MICAL3: variants seen among roughly 807,000 people sequenced by gnomAD.
MICAL3 encodes the protein [F-actin]-monooxygenase MICAL3.
MICAL3 carries 62 observed loss-of-function variants against 207.4 expected under a neutral mutation model. The ratio of observed to expected loss-of-function variants is 0.30; its 90% CI spans 0.24 to 0.37. The LOEUF (loss-of-function observed/expected upper bound fraction) is 0.37. Among genes scored for constraint, MICAL3 ranks in the 10% least tolerant of loss-of-function variants. The probability of loss-of-function intolerance (pLI) is 1.00; values close to 1 mark genes in which losing one functional copy is unlikely to be tolerated. For missense variants in MICAL3, 2,368 were observed against 2,635.6 expected, an observed-to-expected ratio of 0.90 and a Z score of 2.22; for synonymous variants, 1,077 against 1,069.3, an observed-to-expected ratio of 1.01 and a Z score of -0.14.
chr22:18,007,834 A>G (rs1192010374), intron 1 of MICAL3, among the ~76,000 whole-genome samples: 1 of 144,128 alleles, frequency 6.9e-6, no homozygotes, highest in African/African-American at 2.6e-5. Flanking sequence ...GAGGCAGGAG[A>G]ATGGCGTGAA....
rs1264605894 is a variant in MICAL3, at chr22:17,789,676, T to TG, written c.*1055dup. ...ACGAAGAGAAAGGCTAATAAATAGATGCACGTGAGGAGCACCGGGCAGCCC... is the reference window on the plus strand; with the variant it reads ...ACGAAGAGAAAGGCTAATAAATAGATGGCACGTGAGGAGCACCGGGCAGCCC... On this transcript the variant is annotated 3_prime_UTR_variant, in exon 32 of 32. Coordinates refer to ENST00000441493, the MANE Select transcript of MICAL3 (RefSeq NM_015241.3). The TG allele has an allele frequency of 2.0e-5, 3 of 152,220 alleles. No individual in the cohort carries two copies. Among genetic ancestry groups the TG allele is most frequent in the Non-Finnish European group, 4.4e-5 (3 of 68,050 alleles). 9.4% of individuals were successfully genotyped at this position (152,220 alleles called of 1,614,324 possible).
chr22:17,867,883 T>C (rs1004093296), intron 17 of MICAL3, among the ~76,000 whole-genome samples: 1 of 152,208 alleles, frequency 6.6e-6, no homozygotes, highest in Non-Finnish European at 1.5e-5. Context: ...TTCCTTCTAT[T>C]TTTTTCCTAC....
At chr22:17,901,637 T>G (rs1931330949) in intron 5 of MICAL3, among the ~76,000 whole-genome samples, 2 of 151,812 alleles carry the variant, frequency 1.3e-5, no homozygotes, top group South Asian at 4.2e-4. Flanking sequence ...GATACTGCAC[T>G]CCAGCCTGGG....
At chr22:17,932,010 C>T (rs1933289287) in intron 1 of MICAL3, among the ~76,000 whole-genome samples, 1 of 152,186 alleles carries the variant, frequency 6.6e-6, no homozygotes, top group African/African-American at 2.4e-5. Flanking sequence ...AGACAATAAA[C>T]AAGTAAGCAA....
chr22:17,828,546 T>C (rs568483227), intron 21 of MICAL3, among the ~76,000 whole-genome samples: 5 of 152,280 alleles, frequency 3.3e-5, no homozygotes, highest in South Asian at 2.1e-4. Flanking sequence ...TTCCAAACCC[T>C]TGGAATTTCA....
At chr22:17,994,037 G>C (rs368201726) in intron 1 of MICAL3, among the ~76,000 whole-genome samples, 260 of 152,302 alleles carry the variant, frequency 1.7e-3, no homozygotes, top group East Asian at 7.9e-3. Flanking sequence ...GGTGAGGACT[G>C]AGCGCGTTAA....
chr22:18,018,153 C>T (rs1040212192), intron 1 of MICAL3, among the ~76,000 whole-genome samples: 3 of 152,036 alleles, frequency 2.0e-5, no homozygotes, highest in Non-Finnish European at 2.9e-5. Flanking sequence ...GGATTACAAG[C>T]GTGAGCCACT....
intron 29 of MICAL3, among the ~76,000 whole-genome samples, chr22:17,794,741 G>A (rs559259045): frequency 6.6e-6 from 1 of 152,162 alleles, no homozygotes; most frequent in Non-Finnish European, 1.5e-5. Flanking sequence ...TTACAGGAAC[G>A]ATGCTGGGAG....
intron 1 of MICAL3, among the ~76,000 whole-genome samples, chr22:17,989,109 G>A (rs745456710): frequency 2.0e-5 from 3 of 152,022 alleles, no homozygotes; most frequent in Non-Finnish European, 4.4e-5. Flanking sequence ...TCAAACCCCC[G>A]GCAGGTTCCC....
intron 1 of MICAL3, among the ~76,000 whole-genome samples, chr22:18,017,000 G>C (rs779130704): frequency 1.9e-4 from 29 of 152,164 alleles, no homozygotes; most frequent in Non-Finnish European, 2.1e-4. Flanking sequence ...TAAAGGTTTG[G>C]TTCAACATCA....
At position 17,844,977 on chromosome 22, in the gene MICAL3, A is replaced by G. The variant is rs577679642; in HGVS notation, c.2606-2960T>C. ...GTCTTCCCATCCCTTCCTTCTCCTCATCAAAATCCATGGCGGCCACCCCAT... is the reference window on the plus strand; with the variant it reads ...GTCTTCCCATCCCTTCCTTCTCCTCGTCAAAATCCATGGCGGCCACCCCAT... On this transcript the variant is annotated intron_variant, in intron 19 of 31. Coordinates refer to ENST00000441493, the MANE Select transcript of MICAL3 (RefSeq NM_015241.3). 7.2e-5 allele frequency among the ~76,000 whole-genome samples: 11 copies of G among 152,230 alleles called. No homozygotes were observed. The South Asian group carries it at 2.3e-3, about 32-fold the overall frequency.
At chr22:17,884,162 T>C in intron 16 of MICAL3, 3 of 609,738 alleles carry the variant, frequency 4.9e-6, no homozygotes, top group Non-Finnish European at 8.4e-6. Context: ...AGAGATTTCC[T>C]GCCCTCATGA....
chr22:17,839,208 C>A (rs566120340), intron 20 of MICAL3, among the ~76,000 whole-genome samples: 1 of 151,434 alleles, frequency 6.6e-6, no homozygotes, highest in South Asian at 2.1e-4. Flanking sequence ...TTTGGCCTCC[C>A]GGAGTACTGG....
In MICAL3 at chr22:17,980,614, C is replaced by T. The variant is rs572871819; in HGVS notation, c.-75+43667G>A. Reference sequence around the variant, plus strand: ...CTACTTTAACACCTCTTTTCTGAAGCCTATAAGTATTTGTGGCAACGGAGA... The same window carrying T: ...CTACTTTAACACCTCTTTTCTGAAGTCTATAAGTATTTGTGGCAACGGAGA... On this transcript the variant is annotated intron_variant, in intron 1 of 31. Transcript: ENST00000441493. 1.1e-4 allele frequency among the ~76,000 whole-genome samples: 17 copies of T among 152,340 alleles called. No homozygotes were observed. The East Asian group carries it at 3.1e-3, about 28-fold the overall frequency.
At chr22:17,967,457 C>T (rs1001127818) in intron 1 of MICAL3, among the ~76,000 whole-genome samples, 1 of 118,564 alleles carries the variant, frequency 8.4e-6, no homozygotes, top group Admixed American at 1.0e-4. Flanking sequence ...GGGCAGTGTA[C>T]ATGCAAACAC....
Position 17,891,494 on chromosome 22 carries a change from G to C in MICAL3, c.1685C>G (p.Pro562Arg). ...TTTGATCACAACTTACATCAGGTCA[G>C]GGCGGTATCTATGGATAATTGCACA... is the stretch of plus-strand genomic sequence containing the variant. ...ALCAIIHRYR[P>R]DLIDFDSLDE... The change falls in exon 12 of 32, where the codon CCT becomes CGT. Residue 562 changes from proline (P) to arginine (R), a missense_variant. Around this residue, in one of 4 missense-constraint regions of MICAL3, gnomAD observed 51 missense variants for 87.8 expected, o/e 0.58. Coordinates refer to ENST00000441493, the MANE Select transcript of MICAL3 (RefSeq NM_015241.3). 1 of 1,613,992 alleles carries C rather than the reference G, an allele frequency of 6.2e-7. No individual in the cohort carries two copies.
At chr22:17,794,356 G>C (rs755428883) in intron 29 of MICAL3, among the ~76,000 whole-genome samples, 1 of 152,252 alleles carries the variant, frequency 6.6e-6, no homozygotes, top group Non-Finnish European at 1.5e-5. Flanking sequence ...TCACCTCCCA[G>C]ACCCACGTGG....
At chr22:17,991,615 AATACAG>A (rs770428269) in intron 1 of MICAL3, among the ~76,000 whole-genome samples, 24 of 152,204 alleles carry the variant, frequency 1.6e-4, no homozygotes, top group Non-Finnish European at 2.5e-4. Flanking sequence ...CAGCTATATT[AATACAG>A]CAGGAAGCAG....
At chr22:17,863,213 A>C in intron 19 of MICAL3, 5 of 985,442 alleles carry the variant, frequency 5.1e-6, no homozygotes, top group Non-Finnish European at 6.0e-6. Flanking sequence ...GGAATAACCT[A>C]AACTTCACTG....
Sources: gnomAD v4.1 joint callset for allele counts (sites outside exome capture counted in the v4.1 genomes callset) on GRCh38, gnomAD v4.1.1 for gene constraint, gnomAD v4.1.1 regional missense constraint, MANE v1.5 for transcripts, NCBI Gene and HGNC (gene_info 2026-07-23, HGNC 2026-07-21) for gene names.